The following IRAK4 variants were observed in gnomAD, a reference collection of about 807,000 sequenced individuals.
IRAK4 encodes interleukin-1 receptor-associated kinase 4.
A neutral mutation model predicts 51.8 loss-of-function variants in IRAK4; 44 were observed. The observed-to-expected ratio is 0.85, with a 90% CI of 0.67 to 1.09. The LOEUF (loss-of-function observed/expected upper bound fraction) is 1.09, where lower values mean the gene tolerates loss of function less well. Among genes scored for constraint, IRAK4 ranks in the 50% least tolerant of loss-of-function variants. The pLI is 0.00. For missense variants in IRAK4, 487 were observed against 538.0 expected (o/e 0.91, Z 0.94); for synonymous variants, 149 against 174.1 (o/e 0.86, Z 1.13).
chr12:43,771,652 A>C (rs1257161952), intron 3 of IRAK4, among the ~76,000 whole-genome samples: 1 of 152,214 alleles, frequency 6.6e-6, no homozygotes, highest in African/African-American at 2.4e-5. Context: ...TAAGAAAGTA[A>C]TTATAATTTT....
rs143354038 is a variant in IRAK4 at position 43,768,842 on chromosome 12, C to T, written c.161+570C>T. The stretch of plus-strand genomic sequence containing the variant: ...TCTGCTCAATTTAGTGTAAAATATG[C>T]ATGCATATTTTATTTTTGTCAGTCA... On this transcript the variant is annotated intron_variant, in intron 2 of 11. Coordinates refer to ENST00000613694, the MANE Select transcript of IRAK4 (RefSeq NM_016123.4). Among the ~76,000 whole-genome samples, 6 of 152,210 alleles carry T rather than the reference C, an allele frequency of 3.9e-5. No individual in the cohort carries two copies. The East Asian group carries it at 1.2e-3, about 29-fold the overall frequency.
At chr12:43,765,293 A>G (rs563327035) in intron 1 of IRAK4, among the ~76,000 whole-genome samples, 173 of 152,350 alleles carry the variant, frequency 1.1e-3, no homozygotes, top group Non-Finnish European at 1.0e-3. Context: ...TAGGGCACAA[A>G]CGAGATGAAT....
chr12:43,773,136 T>C (rs1442921902), intron 5 of IRAK4, 64 bp downstream of exon 5: 1 of 1,386,142 alleles, frequency 7.2e-7, no homozygotes, highest in Non-Finnish European at 1.0e-6. Context: ...TAATAGGTTT[T>C]AAAGTTAATC....
chr12:43,775,905 G>A (rs542629490), intron 6 of IRAK4, among the ~76,000 whole-genome samples: 142 of 96,476 alleles, frequency 1.5e-3, no homozygotes, highest in African/African-American at 6.5e-3. Flanking sequence ...TTTTTGAGAC[G>A]GAATCTCGCT....
intron 8 of IRAK4, among the ~76,000 whole-genome samples, chr12:43,779,561 A>T (rs1941594357): frequency 6.6e-6 from 1 of 152,210 alleles, no homozygotes; most frequent in Admixed American, 6.5e-5. Flanking sequence ...AGGGGAGCAG[A>T]TTAGAAAGAT....
intron 10 of IRAK4, among the ~76,000 whole-genome samples, chr12:43,784,791 CTAAAG>C (rs1230757836): frequency 1.3e-5 from 2 of 152,044 alleles, no homozygotes; most frequent in Admixed American, 6.6e-5. Context: ...TGATGTGACT[CTAAAG>C]TAATAAGATT....
Position 43,768,140 on chromosome 12 carries a change from A to G in IRAK4, c.29A>G (p.Tyr10Cys). 19 of 1,613,696 alleles carry G rather than the reference A, an allele frequency of 1.2e-5. No homozygotes were observed. Among genetic ancestry groups the G allele is most frequent in the Non-Finnish European group, 1.6e-5 (19 of 1,179,728 alleles). The change falls in exon 2 of 12, where the codon TAT (tyrosine) becomes TGT (cysteine). Residue 10 changes from tyrosine to cysteine, a missense_variant. By Grantham distance (194) the Tyr-to-Cys change is radical. Transcript: ENST00000613694. The stretch of plus-strand genomic sequence containing the variant: ...AACAAACCCATAACACCATCAACAT[A>G]TGTGCGCTGCCTCAATGTTGGACTA... MNKPITPSTYVRCLNVGLIR... is the reference protein window; with the variant it reads MNKPITPSTCVRCLNVGLIR...
chr12:43,781,848 A>G lies in IRAK4; in HGVS notation c.942-459A>G, dbSNP rs143488464. Among the ~76,000 whole-genome samples, 244 of 152,332 alleles carry G rather than the reference A, an allele frequency of 1.6e-3. 1 individual carries two copies. The highest frequency in any genetic ancestry group is 5.4e-3 in the African/African-American group (225 of 41,576). On this transcript the variant is annotated intron_variant, in intron 8 of 11. Coordinates refer to ENST00000613694, the MANE Select transcript of IRAK4 (RefSeq NM_016123.4). ...TCTCTTCAAAAGCCAGATAGTACAGAACAAAAGAATAAAGAAATTCATAAT... is the reference window on the plus strand; with the variant it reads ...TCTCTTCAAAAGCCAGATAGTACAGGACAAAAGAATAAAGAAATTCATAAT...
intron 2 of IRAK4, 94 bp from the exon 3 acceptor site, chr12:43,771,126 T>G: frequency 9.0e-7 from 1 of 1,113,922 alleles, no homozygotes; most frequent in Non-Finnish European, 1.3e-6. Flanking sequence ...TAACTATTAT[T>G]TATAAATTAC....
intron 2 of IRAK4, 45 bp from the exon 3 acceptor site, chr12:43,771,175 C>A (rs1177414462): frequency 2.0e-6 from 3 of 1,510,164 alleles, no homozygotes; most frequent in Non-Finnish European, 2.8e-6. Context: ...ACAAAATGGA[C>A]TAAGACAATA....
intron 1 of IRAK4, among the ~76,000 whole-genome samples, chr12:43,764,744 A>G (rs1321529277): frequency 6.6e-6 from 1 of 152,182 alleles, no homozygotes; most frequent in African/African-American, 2.4e-5. Flanking sequence ...TGTGATGGAG[A>G]AGGACTCTGT....
In IRAK4 at chr12:43,784,328, A is replaced by T. The variant is rs532928965; in HGVS notation, c.1188+604A>T. Among the ~76,000 whole-genome samples the T allele has an allele frequency of 1.3e-3, 199 of 152,310 alleles. 2 individuals carry two copies. The highest frequency in any genetic ancestry group is 4.3e-3 in the African/African-American group (177 of 41,566). ...CCAACAAGCAGGCAATCTACTTTGC[A>T]GCGGAAGTCAGCTGGATCTCCTCCA... On this transcript the variant is annotated intron_variant, in intron 10 of 11. Transcript: ENST00000613694.
chr12:43,772,437 C>T, intron 4 of IRAK4, 75 bp downstream of exon 4: 1 of 1,354,062 alleles, frequency 7.4e-7, no homozygotes, highest in Non-Finnish European at 1.0e-6. Context: ...AAAGCTCTTG[C>T]TCTTTTGTTT....
intron 2 of IRAK4, among the ~76,000 whole-genome samples, chr12:43,768,884 T>G (rs1169286212): frequency 6.6e-6 from 1 of 152,246 alleles, no homozygotes; most frequent in African/African-American, 2.4e-5. Flanking sequence ...TTAAAACCTA[T>G]GTCAAAATGT....
chr12:43,783,783 A>C, intron 10 of IRAK4, 59 bp downstream of exon 10: 1 of 1,134,760 alleles, frequency 8.8e-7, no homozygotes. Context: ...GTCTAAATTT[A>C]TATGGATAAA....
Position 43,768,148 on chromosome 12 carries a change from T to C in IRAK4, c.37T>C (p.Cys13Arg), listed in dbSNP as rs1473391364. The change falls in exon 2 of 12, where the codon TGC becomes CGC. Residue 13 changes from cysteine to arginine, a missense_variant. Transcript: ENST00000613694. The part of the protein sequence containing the change: ...KPITPSTYVR[C>R]LNVGLIRKLS... ...CATAACACCATCAACATATGTGCGC[T>C]GCCTCAATGTTGGACTAATTAGGAA... 1.9e-6 allele frequency: 3 copies of C among 1,613,494 alleles called. No homozygotes were observed. The African/African-American group carries it at 4.0e-5, about 22-fold the overall frequency.
Position 43,771,208 on chromosome 12 carries a change from C to CT in IRAK4, c.162-10dup, listed in dbSNP as rs770064107. 2 of 1,611,724 alleles carry CT rather than the reference C, an allele frequency of 1.2e-6. No individual in the cohort carries two copies. The highest frequency in any genetic ancestry group is 1.7e-6 in the Non-Finnish European group (2 of 1,178,090). ...ATAGACTAATTTTGTTTCTTTGTTA[C>CT]TTACTTTTAAGGAGATTTGAAGCAT... On this transcript the variant is annotated splice_polypyrimidine_tract_variant and intron_variant, in intron 2 of 11. Coordinates refer to ENST00000613694, the MANE Select transcript of IRAK4 (RefSeq NM_016123.4).
Position 43,782,477 on chromosome 12 carries a change from A to T in IRAK4, c.1112A>T (p.Tyr371Phe). The T allele has an allele frequency of 6.2e-7, 1 of 1,612,926 alleles. No individual in the cohort carries two copies. The highest frequency in any genetic ancestry group is 1.1e-5 in the South Asian group (1 of 91,038). The change falls in exon 9 of 12, where the codon TAC becomes TTC. Residue 371 changes from tyrosine to phenylalanine, a missense_variant. By Grantham distance (22) the Tyr-to-Phe change is conservative (BLOSUM62 3). Coordinates refer to ENST00000613694, the MANE Select transcript of IRAK4 (RefSeq NM_016123.4). ...RGEITPKSDI[Y>F]SFGVVLLEII... ...GAAATAACACCCAAATCTGATATTT[A>T]CAGCTTTGGTGTGGTAAGTTCCGTA...
intron 2 of IRAK4, chr12:43,768,495 T>C: frequency 2.6e-6 from 1 of 378,410 alleles, no homozygotes; most frequent in South Asian, 7.4e-5. Context: ...AATAAGTTTT[T>C]TGGGTTAGAA....
Sources: gnomAD v4.1 joint callset for allele counts (sites outside exome capture counted in the v4.1 genomes callset) on GRCh38, gnomAD v4.1.1 for gene constraint, MANE v1.5 for transcripts, NCBI Gene and HGNC (gene_info 2026-07-23, HGNC 2026-07-21) for gene names.